Variants in RUNX1 observed in about 807,000 individuals in gnomAD.
RUNX1 encodes the protein RUNX family transcription factor 1.
Under a neutral mutation model 42.8 loss-of-function variants are expected in RUNX1, and 19 were observed. That is an observed-to-expected ratio of 0.44 (90% CI 0.31 to 0.65). The LOEUF (loss-of-function observed/expected upper bound fraction) is 0.65. Ranked by LOEUF, RUNX1 falls within the 30% of genes least tolerant of loss-of-function variation. The pLI, the probability that RUNX1 is intolerant of heterozygous loss-of-function variation, is 0.07. For missense variants in RUNX1, 528 were observed against 672.0 expected, an observed-to-expected ratio of 0.79 and a Z score of 2.37; for synonymous variants, 271 against 289.4, an observed-to-expected ratio of 0.94 and a Z score of 0.64.
chr21:35,026,128 T>C (rs1163545564), intron 2 of RUNX1, among the ~76,000 whole-genome samples: 1 of 152,200 alleles, frequency 6.6e-6, no homozygotes, highest in Non-Finnish European at 1.5e-5. Flanking sequence ...TTAGGAGTGC[T>C]TGTACTTTTT....
chr21:34,865,783 T>C (rs1356308508), intron 5 of RUNX1, among the ~76,000 whole-genome samples: 4 of 152,224 alleles, frequency 2.6e-5, no homozygotes, highest in Non-Finnish European at 5.9e-5. Context: ...GGGAAGTGGC[T>C]AAACCTCAGG....
chr21:35,033,145 A>C (rs2059284993), intron 2 of RUNX1, among the ~76,000 whole-genome samples: 1 of 152,094 alleles, frequency 6.6e-6, no homozygotes, highest in Non-Finnish European at 1.5e-5. Context: ...TCATTCAACT[A>C]TCTGTCCATC....
intron 7 of RUNX1, 196 bp downstream of exon 7, chr21:34,834,214 G>A (rs542805249): frequency 9.9e-6 from 7 of 705,466 alleles, no homozygotes; most frequent in South Asian, 4.5e-5. Flanking sequence ...GATCTGACTC[G>A]GTGGGTCTGG....
chr21:34,975,582 C>T (rs1353669776), intron 2 of RUNX1, among the ~76,000 whole-genome samples: 1 of 152,122 alleles, frequency 6.6e-6, no homozygotes, highest in Non-Finnish European at 1.5e-5. Context: ...ACCAATACCC[C>T]CATGGATACT....
intron 2 of RUNX1, among the ~76,000 whole-genome samples, chr21:35,045,285 A>C (rs2059388125): frequency 6.6e-6 from 1 of 152,082 alleles, no homozygotes; most frequent in Non-Finnish European, 1.5e-5. Context: ...TGATTCTTTA[A>C]CATCCAAGAG....
chr21:34,994,641 ACATTTACGGGTACTAC>A (rs1254569402), intron 2 of RUNX1, among the ~76,000 whole-genome samples: 1 of 152,162 alleles, frequency 6.6e-6, no homozygotes, highest in Non-Finnish European at 1.5e-5. Flanking sequence ...CTAGGTACCT[ACATTTACGGGTACTAC>A]GTACCCGTAA....
At position 34,848,940 on chromosome 21, in the gene RUNX1, T is replaced by C. The variant is rs1474006544; in HGVS notation, c.613+10534A>G. Among the ~76,000 whole-genome samples the C allele has an allele frequency of 3.3e-5, 5 of 152,236 alleles. No homozygotes were observed. The East Asian group carries it at 9.7e-4, about 29-fold the overall frequency. On this transcript the variant is annotated intron_variant, in intron 6 of 8. Coordinates refer to ENST00000675419, the MANE Select transcript of RUNX1 (RefSeq NM_001754.5). Reference sequence around the variant, plus strand: ...ATCTATGTAGTATCTAGGAACTTATTTCAAATGTTTACTCTTTATTTTAAA... The same window carrying C: ...ATCTATGTAGTATCTAGGAACTTATCTCAAATGTTTACTCTTTATTTTAAA...
At chr21:34,817,662 C>T (rs1249159666) in intron 7 of RUNX1, among the ~76,000 whole-genome samples, 1 of 152,176 alleles carries the variant, frequency 6.6e-6, no homozygotes, top group Non-Finnish European at 1.5e-5. Context: ...CTTAGCTCTT[C>T]TACACAGGCT....
intron 3 of RUNX1, chr21:34,888,257 A>G (rs2058026785): frequency 1.9e-6 from 2 of 1,067,074 alleles, no homozygotes; most frequent in African/African-American, 1.6e-5. Flanking sequence ...CAGCAGGTGG[A>G]GCGGGCCTTG....
chr21:34,948,067 G>A (rs1249291731), intron 2 of RUNX1, among the ~76,000 whole-genome samples: 1 of 150,000 alleles, frequency 6.7e-6, no homozygotes, highest in Non-Finnish European at 1.5e-5. Flanking sequence ...CTCCCACCCC[G>A]ACATAAATTC....
chr21:35,048,770 T>A, intron 2 of RUNX1, 72 bp downstream of exon 2: 1 of 1,311,704 alleles, frequency 7.6e-7, no homozygotes, highest in African/African-American at 1.4e-5. Flanking sequence ...TGCACCGAGG[T>A]GAAACAAGCT....
At chr21:34,943,985 C>A (rs979007807) in intron 2 of RUNX1, among the ~76,000 whole-genome samples, 9 of 152,086 alleles carry the variant, frequency 5.9e-5, no homozygotes, top group African/African-American at 2.2e-4. Context: ...GAAATAATTT[C>A]TTGTGCTTAC....
intron 5 of RUNX1, among the ~76,000 whole-genome samples, chr21:34,877,254 A>G (rs561454302): frequency 1.0e-3 from 156 of 152,346 alleles, no homozygotes; most frequent in Non-Finnish European, 9.8e-4. Context: ...ACTTGCCTCA[A>G]CTGCAGATGT....
In RUNX1 at chr21:34,788,674, C is replaced by G; in HGVS notation, c.*3461G>C. On this transcript the variant is annotated 3_prime_UTR_variant, in exon 9 of 9. Transcript: ENST00000675419. ...AACTCTTCTGGAAGGAAAAAAAGAG[C>G]CAAATGATCAGCCTCATCAATACTG... 1 of 233,276 alleles carries G rather than the reference C, an allele frequency of 4.3e-6. No individual in the cohort carries two copies. The highest frequency in any genetic ancestry group is 8.5e-6 in the Non-Finnish European group (1 of 117,914). The allele number at this position is 233,276 out of a possible 1,614,324, so 14.5% of individuals were successfully genotyped here.
intron 5 of RUNX1, among the ~76,000 whole-genome samples, chr21:34,877,292 C>A (rs542394204): frequency 1.3e-5 from 2 of 152,180 alleles, no homozygotes. Flanking sequence ...TCAGTGAATT[C>A]GTTTCACATA....
intron 2 of RUNX1, among the ~76,000 whole-genome samples, chr21:35,047,537 ACACACACACACACACACACACACACT>A (rs1253612064): frequency 7.5e-6 from 1 of 132,680 alleles, no homozygotes; most frequent in Non-Finnish European, 1.6e-5. Flanking sequence ...ACACACACAC[ACACACACACACACACACACACACACT>A]CTCTCTCTCT....
At chr21:34,949,312 T>C (rs890365696) in intron 2 of RUNX1, among the ~76,000 whole-genome samples, 1 of 152,254 alleles carries the variant, frequency 6.6e-6, no homozygotes, top group Non-Finnish European at 1.5e-5. Flanking sequence ...TGGAGAGTTT[T>C]ACTAATGGCA....
intron 2 of RUNX1, among the ~76,000 whole-genome samples, chr21:34,915,910 G>C (rs137944867): frequency 5.3e-4 from 81 of 152,280 alleles, no homozygotes; most frequent in African/African-American, 1.9e-3. Flanking sequence ...GAAGTGAAAA[G>C]CTTTTACCCA....
intron 2 of RUNX1, among the ~76,000 whole-genome samples, chr21:34,957,261 A>C (rs780814652): frequency 6.6e-6 from 1 of 152,194 alleles, no homozygotes; most frequent in Non-Finnish European, 1.5e-5. Context: ...GATAATTATC[A>C]ATTATAAAAC....
Sources: gnomAD v4.1 joint callset for allele counts (sites outside exome capture counted in the v4.1 genomes callset) on GRCh38, gnomAD v4.1.1 for gene constraint, MANE v1.5 for transcripts, NCBI Gene and HGNC (gene_info 2026-07-23, HGNC 2026-07-21) for gene names.